The following ICA1 variants were observed in gnomAD, a reference collection of about 807,000 sequenced individuals.
ICA1 encodes islet cell autoantigen 1.
A neutral mutation model predicts 71.0 loss-of-function variants in ICA1; 40 were observed. That is an observed-to-expected ratio of 0.56 (90% CI 0.44 to 0.73). The LOEUF is 0.73. ICA1 is among the 30% of genes least tolerant of loss of function. The pLI is 0.00. For missense variants in ICA1, 578 were observed against 576.5 expected (o/e 1.00, Z -0.03); for synonymous variants, 207 against 209.5 (o/e 0.99, Z 0.10).
chr7:8,227,751 G>C (rs1799068226), intron 4 of ICA1: 1 of 408,002 alleles, frequency 2.5e-6, no homozygotes, highest in African/African-American at 2.1e-5. Flanking sequence ...TAATTTTTAA[G>C]TGTTTTTATT....
At chr7:8,224,250 G>C (rs1228721021) in intron 4 of ICA1, among the ~76,000 whole-genome samples, 1 of 152,158 alleles carries the variant, frequency 6.6e-6, no homozygotes, top group Non-Finnish European at 1.5e-5. Context: ...AATGACGATA[G>C]CCTTGGGACT....
In ICA1 at chr7:8,141,752, A is replaced by G; in HGVS notation, c.955+13T>C. ...TATTTCAGAAGCAATTCTAAATAAA[A>G]ATCAAAACTTACTCTTAAAACTAGA... is the stretch of plus-strand genomic sequence containing the variant. On this transcript the variant is annotated intron_variant, in intron 10 of 13. Coordinates refer to ENST00000402384, the MANE Select transcript of ICA1 (RefSeq NM_001136020.3). 1.3e-6 allele frequency: 2 copies of G among 1,501,214 alleles called. No homozygotes were observed. The highest frequency in any genetic ancestry group is 2.8e-5 in the African/African-American group (2 of 71,580). The allele number at this position is 1,501,214 out of a possible 1,614,324, so 93.0% of individuals were successfully genotyped here.
At chr7:8,118,502 C>A (rs1268609199) in intron 13 of ICA1, among the ~76,000 whole-genome samples, 1 of 152,084 alleles carries the variant, frequency 6.6e-6, no homozygotes, top group Non-Finnish European at 1.5e-5. Context: ...AATTATACTG[C>A]AATAAAACGA....
At chr7:8,232,246 A>C (rs924715455) in intron 3 of ICA1, among the ~76,000 whole-genome samples, 3 of 152,232 alleles carry the variant, frequency 2.0e-5, no homozygotes, top group African/African-American at 4.8e-5. Flanking sequence ...CTTTTAAAAA[A>C]ATTTAACATT....
At chr7:8,139,151 G>T in intron 10 of ICA1, 104 bp from the exon 11 acceptor site, 1 of 886,188 alleles carries the variant, frequency 1.1e-6, no homozygotes, top group South Asian at 1.6e-5. Flanking sequence ...GAAGAAATGG[G>T]ATCCACAAAC....
intron 6 of ICA1, among the ~76,000 whole-genome samples, chr7:8,200,575 A>C (rs541627254): frequency 6.6e-6 from 1 of 152,288 alleles, no homozygotes; most frequent in Admixed American, 6.5e-5. Context: ...GTTGACAAGT[A>C]TGGAAGGGGC....
chr7:8,146,143 G>A (rs987674848), intron 8 of ICA1, among the ~76,000 whole-genome samples: 3 of 152,102 alleles, frequency 2.0e-5, no homozygotes, highest in African/African-American at 7.2e-5. Context: ...TGGATACACC[G>A]GTGAACACGA....
chr7:8,229,219 T>G (rs1384697054), intron 3 of ICA1, among the ~76,000 whole-genome samples: 1 of 152,220 alleles, frequency 6.6e-6, no homozygotes, highest in Non-Finnish European at 1.5e-5. Context: ...GATAAAATGA[T>G]GTTGGGCAAG....
At position 8,130,726 on chromosome 7, in the gene ICA1, T is replaced by C. The variant is rs2128083550; in HGVS notation, c.1061-2584A>G. ...GGAGGCTTCACTACTTTAGTACAGA[T>C]GTCTGTCCAGGGAAGATCATCATTA... On this transcript the variant is annotated intron_variant, in intron 12 of 13. Transcript: ENST00000402384. This position sits in a 1 kb window ranked among gnomAD's most constrained non-coding sequence, Gnocchi z 4.2. Among the ~76,000 whole-genome samples, 3 of 152,330 alleles carry C rather than the reference T, an allele frequency of 2.0e-5. No homozygotes were observed. The highest frequency in any genetic ancestry group is 4.4e-5 in the Non-Finnish European group (3 of 68,024).
At chr7:8,155,954 T>G (rs931065312) in intron 8 of ICA1, among the ~76,000 whole-genome samples, 10 of 152,206 alleles carry the variant, frequency 6.6e-5, no homozygotes, top group African/African-American at 2.4e-4. Context: ...TCCCCTGAAG[T>G]GCTTATAGTT....
chr7:8,259,125 T>A (rs1811313741), intron 1 of ICA1, among the ~76,000 whole-genome samples: 1 of 152,190 alleles, frequency 6.6e-6, no homozygotes, highest in East Asian at 1.9e-4. Context: ...CCCAAATGAT[T>A]CTCTGGGACA....
intron 12 of ICA1, among the ~76,000 whole-genome samples, chr7:8,135,642 T>G (rs1793146971): frequency 6.6e-6 from 1 of 152,138 alleles, no homozygotes; most frequent in African/African-American, 2.4e-5. Flanking sequence ...GGCTAAAAGT[T>G]TTCACCCACA....
chr7:8,122,328 G>A (rs1787314684), intron 13 of ICA1, among the ~76,000 whole-genome samples: 1 of 152,222 alleles, frequency 6.6e-6, no homozygotes, highest in Admixed American at 6.5e-5. Flanking sequence ...AAGCCATGCT[G>A]AGGAGTTTAG....
intron 1 of ICA1, among the ~76,000 whole-genome samples, chr7:8,242,471 C>A (rs1451214616): frequency 3.9e-5 from 6 of 152,118 alleles, no homozygotes; most frequent in Non-Finnish European, 7.3e-5. Context: ...CAGGAAAGAT[C>A]TAAAATTGAC....
chr7:8,139,758 A>T (rs377459648), intron 10 of ICA1, among the ~76,000 whole-genome samples: 15 of 152,334 alleles, frequency 9.8e-5, no homozygotes, highest in African/African-American at 3.6e-4. Context: ...AAGGCTATGT[A>T]TATGCTGGGG....
At chr7:8,171,625 C>T (rs1028371381) in intron 6 of ICA1, among the ~76,000 whole-genome samples, 4 of 151,666 alleles carry the variant, frequency 2.6e-5, no homozygotes, top group Admixed American at 2.6e-4. Context: ...TTTCATTTGC[C>T]CCTGCTCTTA....
chr7:8,204,257 C>T (rs768741803), intron 6 of ICA1, among the ~76,000 whole-genome samples: 3 of 152,120 alleles, frequency 2.0e-5, no homozygotes, highest in South Asian at 2.1e-4. Context: ...ATCTGTTTAT[C>T]GGATTGTAGT....
intron 6 of ICA1, among the ~76,000 whole-genome samples, chr7:8,184,448 A>G (rs1162248292): frequency 6.6e-6 from 1 of 152,196 alleles, no homozygotes; most frequent in East Asian, 1.9e-4. Context: ...AGCTGAATTC[A>G]TATCATGGGT....
At chr7:8,164,571 T>C (rs1417839738) in intron 6 of ICA1, among the ~76,000 whole-genome samples, 2 of 152,108 alleles carry the variant, frequency 1.3e-5, no homozygotes, top group Non-Finnish European at 2.9e-5. Flanking sequence ...CATGGACACC[T>C]CAGACCACAT....
Sources: gnomAD v4.1 joint callset for allele counts (sites outside exome capture counted in the v4.1 genomes callset) on GRCh38, gnomAD v4.1.1 for gene constraint, Gnocchi (gnomAD v3.1) non-coding constraint, MANE v1.5 for transcripts, NCBI Gene and HGNC (gene_info 2026-07-23, HGNC 2026-07-21) for gene names.